Variants in RANBP17 observed in about 807,000 individuals in gnomAD.
RANBP17 encodes the protein RAN binding protein 17.
Under a neutral mutation model 141.2 loss-of-function variants are expected in RANBP17, and 158 were observed. The ratio of observed to expected loss-of-function variants is 1.12; its 90% CI spans 0.98 to 1.28. The LOEUF (loss-of-function observed/expected upper bound fraction) is 1.28. RANBP17 is among the 50% of genes most tolerant of loss of function. RANBP17 has a pLI of 0.00. For synonymous variants in RANBP17, 430 were observed against 450.0 expected (o/e 0.96, Z 0.56); for missense variants, 1,438 against 1,290.7 (o/e 1.11, Z -1.75).
intron 14 of RANBP17, among the ~76,000 whole-genome samples, chr5:171,146,150 C>T (rs1182408300): frequency 6.6e-6 from 1 of 152,130 alleles, no homozygotes; most frequent in African/African-American, 2.4e-5. Flanking sequence ...ATAATATCCT[C>T]TAAGGTAACA....
chr5:170,942,622 G>C (rs1350980893), intron 12 of RANBP17, among the ~76,000 whole-genome samples: 1 of 152,174 alleles, frequency 6.6e-6, no homozygotes, highest in Non-Finnish European at 1.5e-5. Flanking sequence ...ATTGACTCAT[G>C]CTTACTTCTA....
chr5:171,071,221 ATG>A (rs1217097552), intron 14 of RANBP17, among the ~76,000 whole-genome samples: 1 of 151,984 alleles, frequency 6.6e-6, no homozygotes, highest in African/African-American at 2.4e-5. Context: ...CTTTTATTTA[ATG>A]TGTATGTCAT....
intron 14 of RANBP17, among the ~76,000 whole-genome samples, chr5:171,085,172 C>T (rs1228204697): frequency 5.3e-5 from 7 of 132,616 alleles, no homozygotes; most frequent in East Asian, 5.1e-4. Flanking sequence ...GTTTCAGCTT[C>T]CTACATATGG....
intron 20 of RANBP17, among the ~76,000 whole-genome samples, chr5:171,211,615 C>T (rs926839783): frequency 2.0e-5 from 3 of 148,428 alleles, no homozygotes; most frequent in African/African-American, 7.4e-5. Flanking sequence ...AATATAAATT[C>T]CATGAGGGCA....
chr5:171,270,798 T>A (rs1767051820), intron 25 of RANBP17, among the ~76,000 whole-genome samples: 1 of 152,158 alleles, frequency 6.6e-6, no homozygotes, highest in South Asian at 2.1e-4. Flanking sequence ...AGAATTCCAG[T>A]TAAAACTAAT....
intron 14 of RANBP17, among the ~76,000 whole-genome samples, chr5:171,044,626 G>A (rs1412002445): frequency 6.6e-6 from 1 of 151,890 alleles, no homozygotes; most frequent in African/African-American, 2.4e-5. Flanking sequence ...TGTTATAATT[G>A]AATCACATGA....
chr5:170,953,142 G>A (rs949129128), intron 12 of RANBP17, among the ~76,000 whole-genome samples: 3 of 152,016 alleles, frequency 2.0e-5, no homozygotes, highest in Admixed American at 6.6e-5. Flanking sequence ...TGATCACACT[G>A]GTACTATCAT....
chr5:171,185,111 C>T lies in RANBP17; in HGVS notation c.2038+1681C>T, dbSNP rs150607701. Among the ~76,000 whole-genome samples the T allele has an allele frequency of 5.0e-3, 764 of 152,182 alleles. 5 individuals carry two copies. Among genetic ancestry groups the T allele is most frequent in the African/African-American group, 0.017 (690 of 41,520 alleles). ...CCAGGAGGTAGAGGTTGCAGTGAGTCGACATCGTGCCACTGCACTCCAGCC... is the reference window on the plus strand; with the variant it reads ...CCAGGAGGTAGAGGTTGCAGTGAGTTGACATCGTGCCACTGCACTCCAGCC... On this transcript the variant is annotated intron_variant, in intron 18 of 27. Transcript: ENST00000523189.
chr5:170,982,956 A>C (rs79495125), intron 14 of RANBP17: 95 of 332,064 alleles, frequency 2.9e-4, no homozygotes, highest in Non-Finnish European at 4.6e-4. Context: ...AAAGAAAATG[A>C]ATTTCAACTT....
Position 171,244,900 on chromosome 5 carries a change from C to T in RANBP17, c.2776+2080C>T, listed in dbSNP as rs531912405. 5.3e-5 allele frequency among the ~76,000 whole-genome samples: 8 copies of T among 152,110 alleles called. No homozygotes were observed. In the South Asian group the frequency reaches 8.3e-4, roughly 16 times the overall value. On this transcript the variant is annotated intron_variant, in intron 24 of 27. Transcript: ENST00000523189. ...CAGCACTTTGGGAGGCCGAGCTGGGCGGATCACGAGGTCAGGAGATTGAGA... is the reference window on the plus strand; with the variant it reads ...CAGCACTTTGGGAGGCCGAGCTGGGTGGATCACGAGGTCAGGAGATTGAGA...
At chr5:170,903,245 C>T (rs550347323) in intron 5 of RANBP17, among the ~76,000 whole-genome samples, 20 of 152,310 alleles carry the variant, frequency 1.3e-4, no homozygotes, top group Non-Finnish European at 2.1e-4. Context: ...TGGTGGGCTC[C>T]GCCCATTTTG....
At position 171,166,341 on chromosome 5, in the gene RANBP17, T is replaced by G. The variant is rs368184322; in HGVS notation, c.1711-3789T>G. 2.6e-5 allele frequency among the ~76,000 whole-genome samples: 4 copies of G among 152,270 alleles called. No homozygotes were observed. In the East Asian group the frequency reaches 7.7e-4, roughly 29 times the overall value. ...CAGATAGGTTTAGTCTCTTATTTCT[T>G]AGATTTTGACTCATTTTTCATTGTG... On this transcript the variant is annotated intron_variant, in intron 14 of 27. Coordinates refer to ENST00000523189, the MANE Select transcript of RANBP17 (RefSeq NM_022897.5).
intron 3 of RANBP17, among the ~76,000 whole-genome samples, chr5:170,888,126 A>G (rs537818821): frequency 7.2e-5 from 11 of 152,204 alleles, no homozygotes; most frequent in African/African-American, 2.2e-4. Flanking sequence ...CAGTCTTCCA[A>G]CTTTGTTCTT....
At chr5:171,221,677 A>C (rs1763565021) in intron 21 of RANBP17, 81 bp from the exon 22 acceptor site, 1 of 781,674 alleles carries the variant, frequency 1.3e-6, no homozygotes, top group Admixed American at 2.2e-5. Flanking sequence ...TACTTCTTAT[A>C]AATGAAAATC....
intron 20 of RANBP17, chr5:171,206,583 T>C (rs930786565): frequency 1.2e-5 from 2 of 168,196 alleles, no homozygotes; most frequent in Non-Finnish European, 2.6e-5. Flanking sequence ...TAATCTAAAC[T>C]ATTTCTCAGT....
intron 14 of RANBP17, among the ~76,000 whole-genome samples, chr5:170,996,620 G>A (rs77702757): frequency 0.035 from 5,263 of 152,262 alleles, 147 homozygotes; most frequent in East Asian, 0.12. Flanking sequence ...AAAAGCACTT[G>A]CCGTAGGTGT....
At position 170,896,090 on chromosome 5, in the gene RANBP17, C is replaced by A. The variant is rs1770094054; in HGVS notation, c.464C>A (p.Ser155Tyr). The A allele has an allele frequency of 6.2e-7, 1 of 1,608,796 alleles. No individual in the cohort carries two copies. Among genetic ancestry groups the A allele is most frequent in the South Asian group, 1.1e-5 (1 of 89,938 alleles). ...TGCATAATAGGAGTAATAATCCTTTCTGAATTGACTCAGGAAATGAACCTG... is the reference window on the plus strand; with the variant it reads ...TGCATAATAGGAGTAATAATCCTTTATGAATTGACTCAGGAAATGAACCTG... ...EHCIIGVIIL[S>Y]ELTQEMNLVD... The change falls in exon 5 of 28, where the codon TCT becomes TAT. Residue 155 changes from serine (S) to tyrosine (Y), a missense_variant. Ser to Tyr is a moderately radical substitution (Grantham distance 144). Transcript: ENST00000523189.
intron 13 of RANBP17, among the ~76,000 whole-genome samples, chr5:170,960,271 T>C (rs1046486117): frequency 2.7e-4 from 41 of 152,178 alleles, no homozygotes; most frequent in African/African-American, 9.7e-4. Context: ...CACTTGTTGT[T>C]TTTAACCTCA....
intron 14 of RANBP17, among the ~76,000 whole-genome samples, chr5:171,044,516 G>A (rs996059083): frequency 3.3e-4 from 50 of 151,706 alleles, no homozygotes; most frequent in African/African-American, 1.0e-3. Flanking sequence ...TTTGATCTTT[G>A]ACTATAATAT....
Sources: allele counts gnomAD v4.1 joint callset (sites outside exome capture counted in the v4.1 genomes callset), GRCh38; gene constraint gnomAD v4.1.1; transcripts MANE v1.5; gene names NCBI Gene and HGNC (gene_info 2026-07-23, HGNC 2026-07-21).